Variants in GALNTL6 observed in about 807,000 individuals in gnomAD.
The protein encoded by GALNTL6 is polypeptide N-acetylgalactosaminyltransferase-like 6.
GALNTL6 carries 46 observed loss-of-function variants against 73.7 expected under a neutral mutation model. The ratio of observed to expected loss-of-function variants is 0.62; its 90% CI spans 0.49 to 0.80. The LOEUF (loss-of-function observed/expected upper bound fraction) is 0.80. GALNTL6 is among the 30% of genes least tolerant of loss of function. The probability of loss-of-function intolerance (pLI) is 0.00; values close to 1 mark genes in which losing one functional copy is unlikely to be tolerated. For missense variants in GALNTL6, 604 were observed against 755.0 expected (o/e 0.80, Z 2.34); for synonymous variants, 259 against 263.7 (o/e 0.98, Z 0.17).
chr4:172,433,833 G>A (rs1341293696), intron 5 of GALNTL6, among the ~76,000 whole-genome samples: 1 of 152,024 alleles, frequency 6.6e-6, no homozygotes, highest in African/African-American at 2.4e-5. Flanking sequence ...TTTGTGTTGC[G>A]CAAAGTAAAG....
At chr4:172,400,866 A>T (rs189252851) in intron 5 of GALNTL6, among the ~76,000 whole-genome samples, 40 of 152,268 alleles carry the variant, frequency 2.6e-4, no homozygotes, top group Non-Finnish European at 3.1e-4. Context: ...CTCTATCGAC[A>T]TCCTTGACTG....
chr4:172,027,798 T>C (rs1287973749), intron 2 of GALNTL6, among the ~76,000 whole-genome samples: 1 of 152,114 alleles, frequency 6.6e-6, no homozygotes, highest in Non-Finnish European at 1.5e-5. Flanking sequence ...AGTGAGTGCA[T>C]GAATACTAGA....
intron 3 of GALNTL6, among the ~76,000 whole-genome samples, chr4:172,290,339 C>CA (rs1207919381): frequency 6.6e-6 from 1 of 151,892 alleles, no homozygotes; most frequent in Non-Finnish European, 1.5e-5. Context: ...ATAACAACAA[C>CA]AAAAAAAGAG....
chr4:172,230,645 G>T (rs930601566), intron 3 of GALNTL6, among the ~76,000 whole-genome samples: 9 of 152,054 alleles, frequency 5.9e-5, no homozygotes, highest in African/African-American at 2.2e-4. Flanking sequence ...TTGTTAGGCT[G>T]TTGTGAACAG....
At chr4:172,682,598 T>C (rs1427287228) in intron 5 of GALNTL6, among the ~76,000 whole-genome samples, 1 of 152,206 alleles carries the variant, frequency 6.6e-6, no homozygotes, top group Non-Finnish European at 1.5e-5. Flanking sequence ...AACATTGTGC[T>C]TAAATATTTG....
At chr4:172,818,540 A>C (rs1002855598) in intron 7 of GALNTL6, among the ~76,000 whole-genome samples, 3 of 152,170 alleles carry the variant, frequency 2.0e-5, no homozygotes, top group African/African-American at 7.2e-5. Flanking sequence ...GGTATACATC[A>C]ATTTCCAAAA....
intron 5 of GALNTL6, among the ~76,000 whole-genome samples, chr4:172,392,631 A>G (rs973511895): frequency 2.6e-5 from 4 of 152,102 alleles, no homozygotes; most frequent in African/African-American, 7.2e-5. Flanking sequence ...GGAGAGAAAA[A>G]CATACCTGCT....
At chr4:172,607,907 G>C (rs548153630) in intron 5 of GALNTL6, among the ~76,000 whole-genome samples, 1 of 152,142 alleles carries the variant, frequency 6.6e-6, no homozygotes, top group South Asian at 2.1e-4. Context: ...TTTGAAAAGT[G>C]AGTGTCTATG....
intron 7 of GALNTL6, among the ~76,000 whole-genome samples, chr4:172,837,163 G>T (rs1742954480): frequency 6.6e-6 from 1 of 152,280 alleles, no homozygotes; most frequent in South Asian, 2.1e-4. Flanking sequence ...AAATTATGAG[G>T]TAGGTGGTTT....
At chr4:172,820,746 G>C (rs77986770) in intron 7 of GALNTL6, among the ~76,000 whole-genome samples, 1 of 152,108 alleles carries the variant, frequency 6.6e-6, no homozygotes, top group Non-Finnish European at 1.5e-5. Context: ...AATTTTGCAT[G>C]ATCTCCATGC....
intron 2 of GALNTL6, among the ~76,000 whole-genome samples, chr4:172,075,371 G>A (rs1394420245): frequency 6.6e-6 from 1 of 151,930 alleles, no homozygotes; most frequent in Non-Finnish European, 1.5e-5. Context: ...GTCTTGCTCT[G>A]TCGCCCAGGC....
chr4:171,980,891 G>A (rs1405367292), intron 2 of GALNTL6, among the ~76,000 whole-genome samples: 1 of 152,042 alleles, frequency 6.6e-6, no homozygotes, highest in Non-Finnish European at 1.5e-5. Context: ...ATAAACAAGT[G>A]GTATATTTTA....
intron 2 of GALNTL6, among the ~76,000 whole-genome samples, chr4:172,223,777 A>G (rs1487146537): frequency 1.3e-5 from 2 of 152,122 alleles, no homozygotes; most frequent in East Asian, 3.8e-4. Context: ...TATGATGTAA[A>G]CCTTTCTAAA....
chr4:172,872,863 A>C (rs1449943028), intron 7 of GALNTL6, among the ~76,000 whole-genome samples: 1 of 152,192 alleles, frequency 6.6e-6, no homozygotes, highest in East Asian at 1.9e-4. Flanking sequence ...TGCCAATTTT[A>C]TCTCTTAAAT....
chr4:172,123,426 TAAAAGA>T (rs1016524414), intron 2 of GALNTL6, among the ~76,000 whole-genome samples: 9 of 151,370 alleles, frequency 5.9e-5, no homozygotes, highest in African/African-American at 1.9e-4. Flanking sequence ...TACGATAGCT[TAAAAGA>T]AAAAGTTTTC....
At chr4:171,985,731 T>C (rs1662239407) in intron 2 of GALNTL6, among the ~76,000 whole-genome samples, 1 of 147,430 alleles carries the variant, frequency 6.8e-6, no homozygotes, top group South Asian at 2.1e-4. Flanking sequence ...ATTTGGTAAC[T>C]CTATAAAATT....
At chr4:172,210,947 A>C (rs890079568) in intron 2 of GALNTL6, among the ~76,000 whole-genome samples, 1 of 152,086 alleles carries the variant, frequency 6.6e-6, no homozygotes, top group Non-Finnish European at 1.5e-5. Context: ...TTCTTGTTCA[A>C]ATTCCAGATT....
At chr4:172,053,869 G>A (rs1730947012) in intron 2 of GALNTL6, among the ~76,000 whole-genome samples, 1 of 152,002 alleles carries the variant, frequency 6.6e-6, no homozygotes, top group Non-Finnish European at 1.5e-5. Flanking sequence ...TTGAAGTTAT[G>A]TAAATTTTTA....
intron 2 of GALNTL6, among the ~76,000 whole-genome samples, chr4:172,059,148 A>T (rs1229612127): frequency 2.0e-5 from 3 of 152,190 alleles, no homozygotes; most frequent in Non-Finnish European, 4.4e-5. Flanking sequence ...TTGGAGAAGG[A>T]ATCTTTTGGA....
Sources: gnomAD v4.1 joint callset for allele counts (sites outside exome capture counted in the v4.1 genomes callset) on GRCh38, gnomAD v4.1.1 for gene constraint, MANE v1.5 for transcripts, NCBI Gene and HGNC (gene_info 2026-07-23, HGNC 2026-07-21) for gene names.